The following NUP93 variants were observed in gnomAD, a reference collection of about 807,000 sequenced individuals.
The protein encoded by NUP93 is nucleoporin 93.
In NUP93, 55 loss-of-function variants were observed where a neutral mutation model predicts 107.8. That is an observed-to-expected ratio of 0.51 (90% CI 0.41 to 0.64). The LOEUF is 0.64. NUP93 is among the 30% of genes least tolerant of loss of function. NUP93 has a pLI of 0.00. For synonymous variants in NUP93, 390 were observed against 397.5 expected (o/e 0.98, Z 0.22); for missense variants, 937 against 1,044.7 (o/e 0.90, Z 1.42).
chr16:56,782,412 A>G (rs1438863406), intron 3 of NUP93: 1 of 168,742 alleles, frequency 5.9e-6, no homozygotes, highest in Non-Finnish European at 1.2e-5. Flanking sequence ...GTATCTTGCC[A>G]TTCTAATATT....
At chr16:56,837,979 C>T (rs950406169) in intron 18 of NUP93, among the ~76,000 whole-genome samples, 1 of 152,222 alleles carries the variant, frequency 6.6e-6, no homozygotes, top group Non-Finnish European at 1.5e-5. Context: ...GTATTTTAAT[C>T]ATGCACATAA....
chr16:56,795,236 A>AT (rs1467326448), intron 3 of NUP93, among the ~76,000 whole-genome samples: 19 of 152,284 alleles, frequency 1.2e-4, no homozygotes, highest in African/African-American at 3.1e-4. Flanking sequence ...TTAGTCATTG[A>AT]TAATAGTTTC....
intron 2 of NUP93, among the ~76,000 whole-genome samples, chr16:56,749,914 T>C (rs1034069532): frequency 2.6e-5 from 4 of 152,222 alleles, no homozygotes; most frequent in African/African-American, 9.7e-5. Flanking sequence ...AACCAGCCTT[T>C]AGACACTTCT....
intron 5 of NUP93, among the ~76,000 whole-genome samples, chr16:56,808,181 TATATAG>T (rs1963198776): frequency 8.4e-6 from 1 of 118,716 alleles, no homozygotes; most frequent in African/African-American, 3.3e-5. Flanking sequence ...CTATATAAAA[TATATAG>T]TTATATAACT....
In NUP93 at chr16:56,834,436, C is replaced by T. The variant is rs758996165; in HGVS notation, c.1731C>T (p.Ser577=). The T allele has an allele frequency of 1.9e-6, 3 of 1,614,146 alleles. No individual in the cohort carries two copies. Among genetic ancestry groups the T allele is most frequent in the African/African-American group, 1.3e-5 (1 of 75,032 alleles). ...GTGTGAGTGAGCTTGTGATTGAAAG[C>T]CGAGAGGTGAGTGGGTTTCCTTTTC... ...LRCVSELVIE[S]REFDMILGKL... Residue 577 remains serine, a synonymous_variant, in exon 15 of 22, where the codon AGC becomes AGT. Coordinates refer to ENST00000308159, the MANE Select transcript of NUP93 (RefSeq NM_014669.5).
intron 4 of NUP93, among the ~76,000 whole-genome samples, chr16:56,798,869 C>A (rs1217265888): frequency 1.4e-5 from 2 of 141,802 alleles, no homozygotes; most frequent in Admixed American, 1.5e-4. Context: ...GAGACCCTGT[C>A]TCAAAAAAAA....
At chr16:56,783,985 G>A (rs1319930355) in intron 3 of NUP93, 24 of 691,018 alleles carry the variant, frequency 3.5e-5, no homozygotes, top group South Asian at 6.5e-5. Context: ...GTAACGCAGA[G>A]GTTCTGCGTT....
chr16:56,834,373 T>C lies in NUP93; in HGVS notation c.1668T>C (p.Asp556=). 6.2e-7 allele frequency: 1 copy of C among 1,614,052 alleles called. No homozygotes were observed. Among genetic ancestry groups the C allele is most frequent in the Non-Finnish European group, 8.5e-7 (1 of 1,179,870 alleles). The stretch of plus-strand genomic sequence containing the variant: ...GAGTTGTTTATTTCCCTTACAGGGA[T>C]GAGAAAGATAGTCAAGGAGAAAACA... ...EALQYFYFLR[D]EKDSQGENMF... Residue 556 remains aspartate (D), a synonymous_variant, in exon 15 of 22, where the codon GAT becomes GAC. Transcript: ENST00000308159.
intron 16 of NUP93, among the ~76,000 whole-genome samples, 162 bp downstream of exon 16, chr16:56,834,940 A>C (rs1366064340): frequency 1.3e-5 from 2 of 152,216 alleles, no homozygotes; most frequent in African/African-American, 4.8e-5. Flanking sequence ...CCAAATGATG[A>C]CCTTGGTTTT....
chr16:56,756,908 T>A (rs1400696363), intron 2 of NUP93, among the ~76,000 whole-genome samples: 2 of 152,238 alleles, frequency 1.3e-5, no homozygotes, highest in African/African-American at 4.8e-5. Flanking sequence ...ATTGAGCTTT[T>A]TTTCATATGT....
chr16:56,794,876 C>T (rs902841835), intron 3 of NUP93, among the ~76,000 whole-genome samples: 5 of 133,712 alleles, frequency 3.7e-5, no homozygotes, highest in Non-Finnish European at 7.6e-5. Context: ...TGCAGTGAGC[C>T]GAGATCGTGC....
At chr16:56,826,203 T>C (rs1255018088) in intron 8 of NUP93, among the ~76,000 whole-genome samples, 2 of 152,140 alleles carry the variant, frequency 1.3e-5, no homozygotes, top group African/African-American at 4.8e-5. Context: ...CAATTTCTTA[T>C]CCAACCTCTG....
intron 21 of NUP93, among the ~76,000 whole-genome samples, chr16:56,842,345 TAGGTGA>T (rs1181246744): frequency 6.6e-6 from 1 of 152,042 alleles, no homozygotes; most frequent in Non-Finnish European, 1.5e-5. Flanking sequence ...AGGTGGCAGG[TAGGTGA>T]AGGGGCCATG....
At chr16:56,823,994 C>A in intron 8 of NUP93, 148 bp downstream of exon 8, 1 of 1,072,864 alleles carries the variant, frequency 9.3e-7, no homozygotes, top group Non-Finnish European at 1.3e-6. Context: ...GAGTTGTAAT[C>A]CTGTTTCAGA....
chr16:56,760,538 C>T (rs188522862), intron 3 of NUP93, among the ~76,000 whole-genome samples: 12 of 152,154 alleles, frequency 7.9e-5, no homozygotes, highest in Middle Eastern at 3.4e-3. Flanking sequence ...GGAGCTTGCA[C>T]GTCACATGGT....
chr16:56,774,296 T>C (rs1193223638), intron 3 of NUP93, among the ~76,000 whole-genome samples: 1 of 152,218 alleles, frequency 6.6e-6, no homozygotes, highest in Admixed American at 6.5e-5. Flanking sequence ...CCGTCTGCTA[T>C]CAGTAGGAGC....
Position 56,836,737 on chromosome 16 carries a change from T to G in NUP93, c.1899+20T>G. 2 of 1,509,222 alleles carry G rather than the reference T, an allele frequency of 1.3e-6. No homozygotes were observed. The highest frequency in any genetic ancestry group is 4.5e-5 in the East Asian group (2 of 44,372). 93.5% of individuals were successfully genotyped at this position (1,509,222 alleles called of 1,614,324 possible). ...GCCAAGGTAAAGTGTGCCCACTTCC[T>G]TCTTTTGCACTTCACAGGTCTGCTG... On this transcript the variant is annotated intron_variant, in intron 17 of 21. Transcript: ENST00000308159.
At chr16:56,809,845 C>G (rs1203356934) in intron 5 of NUP93, among the ~76,000 whole-genome samples, 2 of 152,136 alleles carry the variant, frequency 1.3e-5, no homozygotes, top group Non-Finnish European at 2.9e-5. Context: ...TTTCTTAGAC[C>G]TAAAGATTTC....
intron 1 of NUP93, among the ~76,000 whole-genome samples, chr16:56,742,535 A>C (rs1363289801): frequency 6.6e-6 from 1 of 152,234 alleles, no homozygotes; most frequent in Non-Finnish European, 1.5e-5. Context: ...GCCTGCTTTC[A>C]AGCTACAACA....
Sources: gnomAD v4.1 joint callset for allele counts (sites outside exome capture counted in the v4.1 genomes callset) on GRCh38, gnomAD v4.1.1 for gene constraint, MANE v1.5 for transcripts, NCBI Gene and HGNC (gene_info 2026-07-23, HGNC 2026-07-21) for gene names.